RHBDF1: variants seen among roughly 807,000 people sequenced by gnomAD.
RHBDF1 encodes the protein inactive rhomboid protein 1.
A neutral mutation model predicts 98.6 loss-of-function variants in RHBDF1; 80 were observed. The observed-to-expected ratio is 0.81, with a 90% CI of 0.68 to 0.98. The LOEUF is 0.98. Among genes scored for constraint, RHBDF1 ranks in the 50% least tolerant of loss-of-function variants. RHBDF1 has a pLI of 0.00. For synonymous variants in RHBDF1, 512 were observed against 486.8 expected, an observed-to-expected ratio of 1.05 and a Z score of -0.68; for missense variants, 1,116 against 1,198.3, an observed-to-expected ratio of 0.93 and a Z score of 1.01.
At position 58,313 on chromosome 16, in the gene RHBDF1, A is replaced by G. The variant is rs376115174; in HGVS notation, c.*27T>C. ...GTGTCTGGCTCTGGCCTGCTGGAGC[A>G]CACGGCCGCTGGAGCCCGCAGCCAG... On this transcript the variant is annotated 3_prime_UTR_variant, in exon 18 of 18. Transcript: ENST00000262316. The G allele has an allele frequency of 1.6e-5, 25 of 1,593,784 alleles. No individual in the cohort carries two copies. Among genetic ancestry groups the G allele is most frequent in the Non-Finnish European group, 2.1e-5 (24 of 1,169,274 alleles).
At chr16:67,780 G>C (rs751734640) in intron 1 of RHBDF1, among the ~76,000 whole-genome samples, 1 of 152,240 alleles carries the variant, frequency 6.6e-6, no homozygotes, top group South Asian at 2.1e-4. Context: ...GGTAGGCACT[G>C]ATCACTGAAC....
intron 1 of RHBDF1, among the ~76,000 whole-genome samples, chr16:70,414 T>C (rs1897941312): frequency 6.6e-6 from 1 of 152,142 alleles, no homozygotes; most frequent in African/African-American, 2.4e-5. Context: ...TGACTGACCC[T>C]ACACACATGC....
intron 1 of RHBDF1, 32 bp from the exon 2 acceptor site, chr16:65,071 C>T (rs1897793056): frequency 1.3e-6 from 2 of 1,484,038 alleles, no homozygotes; most frequent in Non-Finnish European, 1.8e-6. Flanking sequence ...TCAATAATGA[C>T]AAAGCTGACA....
upstream of RHBDF1, chr16:73,875 C>T (rs1459912898): frequency 2.2e-5 from 21 of 944,684 alleles, no homozygotes; most frequent in Non-Finnish European, 2.5e-5. Flanking sequence ...CTTGGCTAGA[C>T]AGAAAAGGGG....
chr16:60,731 A>C (rs1596466064), intron 11 of RHBDF1, 192 bp from the exon 12 acceptor site: 1 of 586,596 alleles, frequency 1.7e-6, no homozygotes, highest in Non-Finnish European at 3.0e-6. Flanking sequence ...CTGTTAGCTG[A>C]AAATCAGAAA....
chr16:61,432 T>G lies in RHBDF1; in HGVS notation c.1348A>C (p.Asn450His), dbSNP rs1362008373. 4 of 1,612,356 alleles carry G rather than the reference T, an allele frequency of 2.5e-6. No homozygotes were observed. In the African/African-American group the frequency reaches 5.3e-5, roughly 22 times the overall value. ...SVLRNRGVYE[N>H]VKYVQQENFW... Reference sequence around the variant, plus strand: ...TTCTCCTGCTGCACGTACTTGACGTTCTCGTAGACCCCGCGGTTCCGCAGC... The same window carrying G: ...TTCTCCTGCTGCACGTACTTGACGTGCTCGTAGACCCCGCGGTTCCGCAGC... The change falls in exon 10 of 18, where the codon AAC (asparagine) becomes CAC (histidine). Residue 450 changes from asparagine to histidine, a missense_variant. Asn to His is a moderately conservative substitution (Grantham distance 68). Transcript: ENST00000262316.
intron 1 of RHBDF1, 153 bp downstream of exon 1, chr16:72,360 G>C: frequency 4.3e-6 from 1 of 230,632 alleles, no homozygotes; most frequent in Non-Finnish European, 7.1e-6. Flanking sequence ...GCCTCGCCGC[G>C]ACCCCTCCCC....
upstream of RHBDF1, among the ~76,000 whole-genome samples, chr16:73,197 A>G (rs1334315565): frequency 6.6e-6 from 1 of 152,016 alleles, no homozygotes; most frequent in East Asian, 1.9e-4. Flanking sequence ...CCACCTACTC[A>G]TGTACATCTT....
Position 61,668 on chromosome 16 carries a change from CGAAG to C in RHBDF1, c.1233_1236del (p.Phe412CysfsTer8). On this transcript the variant is annotated frameshift_variant, in exon 9 of 18. Transcript: ENST00000262316. LOFTEE classifies it high-confidence loss of function. ...GCTAGGATGGTGACGAGCGAGTGCA[CGAAG>C]GTAAGCCAGTAGGTGAAGAAGGGCC... 1 of 1,613,450 alleles carries C rather than the reference CGAAG, an allele frequency of 6.2e-7. No homozygotes were observed. The highest frequency in any genetic ancestry group is 8.5e-7 in the Non-Finnish European group (1 of 1,179,916).
upstream of RHBDF1, chr16:76,297 C>G (rs1898086414): frequency 6.6e-6 from 1 of 152,288 alleles, no homozygotes; most frequent in South Asian, 2.1e-4. Flanking sequence ...CCAGCCCACT[C>G]TGCAGGCCAC....
Position 58,413 on chromosome 16 carries a change from C to T in RHBDF1, c.2495G>A (p.Cys832Tyr), listed in dbSNP as rs1375692572. Residue 832 changes from cysteine (C) to tyrosine (Y), a missense_variant, in exon 18 of 18, where the codon TGT becomes TAT. By Grantham distance (194) the Cys-to-Tyr change is radical. Transcript: ENST00000262316. ...FYVYPVRCEWCEFLTCIPFTD... is the reference protein window; with the variant it reads ...FYVYPVRCEWYEFLTCIPFTD... ...GAAGGGGATGCAGGTGAGGAACTCA[C>T]ACCACTCACAGCGGACAGGATAGAC... 3.7e-6 allele frequency: 6 copies of T among 1,613,880 alleles called. No homozygotes were observed. The highest frequency in any genetic ancestry group is 1.6e-4 in the Middle Eastern group (1 of 6,082).
At chr16:72,714 C>G, upstream of RHBDF1, 1 of 984,126 alleles carries the variant, frequency 1.0e-6, no homozygotes, top group Non-Finnish European at 1.2e-6. Context: ...GAATGCGCGC[C>G]GCCCGCCTGC....
In RHBDF1 at chr16:62,628, G is replaced by A. The variant is rs765032217; in HGVS notation, c.863C>T (p.Ala288Val). Residue 288 changes from alanine to valine, a missense_variant, in exon 7 of 18, where the codon GCG becomes GTG. By Grantham distance (64) the Ala-to-Val change is moderately conservative. Transcript: ENST00000262316. ...CGGTGCCTTCTCCCAGTCCTTTAGC[G>A]CTGCCTCCGATGGGGACTCGAAAAC... ...DEVFESPSEAALKDWEKAPEQ... is the reference protein window; with the variant it reads ...DEVFESPSEAVLKDWEKAPEQ... 31 of 1,613,994 alleles carry A rather than the reference G, an allele frequency of 1.9e-5. No homozygotes were observed. The highest frequency in any genetic ancestry group is 3.3e-5 in the Admixed American group (2 of 60,034).
chr16:58,916 G>A (rs557146024), intron 17 of RHBDF1, 58 bp downstream of exon 17: 2 of 1,597,998 alleles, frequency 1.3e-6, no homozygotes, highest in South Asian at 2.2e-5. Context: ...ATATGGACAG[G>A]TTCACAGCAG....
Position 62,604 on chromosome 16 carries a change from G to A in RHBDF1, c.887C>T (p.Pro296Leu), listed in dbSNP as rs143084754. 36 of 1,613,678 alleles carry A rather than the reference G, an allele frequency of 2.2e-5. No homozygotes were observed. The highest frequency in any genetic ancestry group is 2.7e-5 in the Non-Finnish European group (32 of 1,180,036). Residue 296 changes from proline (P) to leucine (L), a missense_variant, in exon 7 of 18, where the codon CCG (proline) becomes CTG (leucine). By Grantham distance (98) the Pro-to-Leu change is moderately conservative. Transcript: ENST00000262316. ...CCCGCCGGTGAGGTCCGCCTGCTCC[G>A]GTGCCTTCTCCCAGTCCTTTAGCGC... ...EAALKDWEKA[P>L]EQADLTGGAL...
intron 1 of RHBDF1, among the ~76,000 whole-genome samples, chr16:68,971 G>T (rs1897901495): frequency 6.6e-6 from 1 of 152,210 alleles, no homozygotes; most frequent in African/African-American, 2.4e-5. Context: ...CCCTAAGCAA[G>T]CCTCAGCTTT....
intron 1 of RHBDF1, among the ~76,000 whole-genome samples, chr16:72,082 C>T (rs1596477938): frequency 1.3e-5 from 2 of 152,350 alleles, no homozygotes; most frequent in East Asian, 1.9e-4. Flanking sequence ...TCGGAGACAC[C>T]ACCCGCCGGT....
chr16:61,716 C>A lies in RHBDF1; in HGVS notation c.1209-20G>T. ...AAGGGCCTGCGGGGTGGAGCGTCAG[C>A]GGGGGCCTCATCCCCGACCCGGAGC... On this transcript the variant is annotated intron_variant, in intron 8 of 17. Transcript: ENST00000262316. The A allele has an allele frequency of 3.7e-6, 6 of 1,612,728 alleles. No individual in the cohort carries two copies. Among genetic ancestry groups the A allele is most frequent in the Middle Eastern group, 3.3e-4 (2 of 6,058 alleles).
upstream of RHBDF1, among the ~76,000 whole-genome samples, chr16:74,142 A>G (rs2562153): frequency 0.9 from 137,104 of 152,144 alleles, 62,008 homozygotes; most frequent in African/African-American, 0.98. Context: ...AGCCTGCCCC[A>G]GTGCCAACAC....
Sources: allele counts gnomAD v4.1 joint callset (sites outside exome capture counted in the v4.1 genomes callset), GRCh38; gene constraint gnomAD v4.1.1; transcripts MANE v1.5; gene names NCBI Gene and HGNC (gene_info 2026-07-23, HGNC 2026-07-21).